QPCT: variants seen among roughly 807,000 people sequenced by gnomAD.
QPCT encodes the protein glutaminyl-peptide cyclotransferase.
A neutral mutation model predicts 43.4 loss-of-function variants in QPCT; 44 were observed. The ratio of observed to expected loss-of-function variants is 1.01; its 90% CI spans 0.80 to 1.30. The LOEUF is 1.30. Ranked by LOEUF, QPCT falls within the 50% of genes most tolerant of loss-of-function variation. The probability of loss-of-function intolerance (pLI) is 0.00; values close to 1 mark genes in which losing one functional copy is unlikely to be tolerated. For synonymous variants in QPCT, 168 were observed against 168.4 expected (o/e 1.00, Z 0.02); for missense variants, 526 against 436.5 (o/e 1.21, Z -1.83).
chr2:37,367,729 G>A (rs983040019), intron 4 of QPCT, among the ~76,000 whole-genome samples: 1 of 151,918 alleles, frequency 6.6e-6, no homozygotes, highest in African/African-American at 2.4e-5. Flanking sequence ...ATAATTAGCT[G>A]GGTGTTGTGT....
intron 3 of QPCT, among the ~76,000 whole-genome samples, chr2:37,365,232 A>C (rs948602619): frequency 2.0e-5 from 3 of 152,086 alleles, no homozygotes; most frequent in African/African-American, 7.2e-5. Flanking sequence ...TGAAGAGGGA[A>C]GGGAGATGAA....
At position 37,369,734 on chromosome 2, in the gene QPCT, C is replaced by A. The variant is rs566905163; in HGVS notation, c.773C>A (p.Pro258His). 3.5e-5 allele frequency: 56 copies of A among 1,609,980 alleles called. No homozygotes were observed. The South Asian group carries it at 4.9e-4, about 14-fold the overall frequency. The change falls in exon 5 of 7, where the codon CCC becomes CAC. Residue 258 changes from proline (P) to histidine (H), a missense_variant. Transcript: ENST00000338415. ...ATTGGAGCTCCAAACCCAACGTTTC[C>A]CAATTTTTTTCCAAACTCAGCCAGG... ...DLIGAPNPTF[P>H]NFFPNSARWF...
intron 4 of QPCT, 41 bp downstream of exon 4, chr2:37,367,449 C>T: frequency 1.3e-6 from 2 of 1,577,058 alleles, no homozygotes; most frequent in South Asian, 1.2e-5. Context: ...GCTGTAGGCT[C>T]CGCTTCCAAG....
chr2:37,347,883 C>G (rs7600995), intron 1 of QPCT, among the ~76,000 whole-genome samples: 91,735 of 152,010 alleles, frequency 0.6, 28,357 homozygotes, highest in East Asian at 0.91. Context: ...AAAAAGTCTG[C>G]CTTCTATTGA....
chr2:37,363,020 C>T (rs1442554641), intron 3 of QPCT, among the ~76,000 whole-genome samples: 3 of 152,176 alleles, frequency 2.0e-5, no homozygotes, highest in Non-Finnish European at 4.4e-5. Flanking sequence ...TGGGGCACCC[C>T]ATGGAAATCG....
chr2:37,357,424 C>T (rs895663958), intron 2 of QPCT, among the ~76,000 whole-genome samples: 18 of 151,068 alleles, frequency 1.2e-4, no homozygotes, highest in Admixed American at 9.2e-4. Flanking sequence ...TGCTTTGTAT[C>T]GTATAGTTTT....
intron 1 of QPCT, among the ~76,000 whole-genome samples, chr2:37,350,252 G>T (rs1458146408): frequency 6.6e-6 from 1 of 152,204 alleles, no homozygotes; most frequent in African/African-American, 2.4e-5. Context: ...GTGAGCAAGG[G>T]TGAGGGGGGA....
At chr2:37,353,059 T>C in intron 2 of QPCT, 124 bp downstream of exon 2, 1 of 1,165,224 alleles carries the variant, frequency 8.6e-7, no homozygotes, top group Non-Finnish European at 1.2e-6. Context: ...ATTCACCAAA[T>C]AGTCAACCAA....
chr2:37,346,404 T>G (rs911115752), intron 1 of QPCT, among the ~76,000 whole-genome samples: 24 of 152,226 alleles, frequency 1.6e-4, no homozygotes, highest in African/African-American at 5.8e-4. Flanking sequence ...GAAGAGAACA[T>G]TACAGACTGG....
chr2:37,350,667 C>T (rs192500083), intron 1 of QPCT, among the ~76,000 whole-genome samples: 20 of 152,274 alleles, frequency 1.3e-4, no homozygotes, highest in African/African-American at 4.1e-4. Flanking sequence ...CTCCTTCAAC[C>T]TCAGGAAGTC....
At chr2:37,349,565 G>C (rs1672576087) in intron 1 of QPCT, among the ~76,000 whole-genome samples, 1 of 152,196 alleles carries the variant, frequency 6.6e-6, no homozygotes, top group South Asian at 2.1e-4. Context: ...TGACCAGATG[G>C]GCTTTGGGAT....
At chr2:37,349,758 G>A (rs1036164682) in intron 1 of QPCT, among the ~76,000 whole-genome samples, 1 of 152,162 alleles carries the variant, frequency 6.6e-6, no homozygotes, top group African/African-American at 2.4e-5. Flanking sequence ...GGCCATTGCA[G>A]CAGGTAGCCA....
intron 2 of QPCT, among the ~76,000 whole-genome samples, chr2:37,358,107 T>TG (rs1318499659): frequency 4.5e-5 from 6 of 134,426 alleles, no homozygotes; most frequent in East Asian, 2.0e-4. Flanking sequence ...ATATGATACT[T>TG]GAAAAAAAAA....
intron 5 of QPCT, among the ~76,000 whole-genome samples, chr2:37,370,623 A>G (rs1026617867): frequency 1.3e-5 from 2 of 152,092 alleles, no homozygotes; most frequent in African/African-American, 4.8e-5. Context: ...CCAATTTTCC[A>G]AAGAAGCAAG....
chr2:37,345,020 C>A lies in QPCT; in HGVS notation c.120+169C>A, dbSNP rs1672452108. Among the ~76,000 whole-genome samples the A allele has an allele frequency of 2.0e-5, 3 of 152,234 alleles. No individual in the cohort carries two copies. In the South Asian group the frequency reaches 6.2e-4, roughly 31 times the overall value. On this transcript the variant is annotated intron_variant, in intron 1 of 6. Transcript: ENST00000338415. ...CCCGGAGGAGTCGGGGCTCTGCATA[C>A]TCGCCGGGGTGCCTCGGCCAGTCCG...
intron 2 of QPCT, among the ~76,000 whole-genome samples, chr2:37,354,314 T>C (rs1157475235): frequency 2.0e-5 from 3 of 152,184 alleles, no homozygotes; most frequent in African/African-American, 7.2e-5. Context: ...GCAGGCACCT[T>C]AGTTCTGTCT....
intron 5 of QPCT, among the ~76,000 whole-genome samples, 185 bp downstream of exon 5, chr2:37,369,969 T>C (rs958172157): frequency 5.9e-5 from 9 of 152,146 alleles, no homozygotes; most frequent in Non-Finnish European, 1.2e-4. Context: ...CTGGCCAACA[T>C]GAAACAGGGC....
At chr2:37,365,631 T>C (rs1490047109) in intron 3 of QPCT, among the ~76,000 whole-genome samples, 2 of 152,092 alleles carry the variant, frequency 1.3e-5, no homozygotes, top group African/African-American at 2.4e-5. Context: ...CCAGCAGAGA[T>C]AGAAAAATTG....
At chr2:37,352,993 G>A (rs1195784837) in intron 2 of QPCT, 58 bp downstream of exon 2, 3 of 1,558,840 alleles carry the variant, frequency 1.9e-6, no homozygotes, top group Non-Finnish European at 2.6e-6. Context: ...TCTCATGAGG[G>A]ATAATGTTAT....
Sources: gnomAD v4.1 joint callset for allele counts (sites outside exome capture counted in the v4.1 genomes callset) on GRCh38, gnomAD v4.1.1 for gene constraint, MANE v1.5 for transcripts, NCBI Gene and HGNC (gene_info 2026-07-23, HGNC 2026-07-21) for gene names.